MAML2: variants seen among roughly 807,000 people sequenced by gnomAD.
MAML2 encodes mastermind like transcriptional coactivator 2.
Under a neutral mutation model 96.1 loss-of-function variants are expected in MAML2, and 22 were observed. That is an observed-to-expected ratio of 0.23 (90% CI 0.16 to 0.33). MAML2 has a LOEUF of 0.33. MAML2 is among the 10% of genes least tolerant of loss of function. The probability of loss-of-function intolerance (pLI) is 1.00; values close to 1 mark genes in which losing one functional copy is unlikely to be tolerated. For missense variants in MAML2, 1,367 were observed against 1,392.4 expected, an observed-to-expected ratio of 0.98 and a Z score of 0.29; for synonymous variants, 561 against 521.3, an observed-to-expected ratio of 1.08 and a Z score of -1.04.
chr11:96,196,960 T>G (rs1861742524), intron 1 of MAML2, among the ~76,000 whole-genome samples: 1 of 152,132 alleles, frequency 6.6e-6, no homozygotes, highest in African/African-American at 2.4e-5. Flanking sequence ...TCCTTATATT[T>G]GAGGCCTTTT....
rs111707968 is a variant in MAML2 at position 96,225,790 on chromosome 11, G to A, written c.513+115593C>T. 8.9e-3 allele frequency among the ~76,000 whole-genome samples: 1,344 copies of A among 151,810 alleles called. 9 individuals are homozygous for A. The highest frequency in any genetic ancestry group is 0.021 in the East Asian group (109 of 5,162). On this transcript the variant is annotated intron_variant, in intron 1 of 4. Transcript: ENST00000524717. ...GAAGGTTGCAGTGAGCCAAAAATGG[G>A]CCACTGTACCCCACCCTGGGTGACA...
intron 1 of MAML2, among the ~76,000 whole-genome samples, chr11:96,216,636 G>A (rs1364566963): frequency 6.6e-6 from 1 of 152,162 alleles, no homozygotes; most frequent in Non-Finnish European, 1.5e-5. Context: ...GATCATTTAG[G>A]TATGCTGTGT....
At chr11:96,106,870 G>A (rs999684498) in intron 1 of MAML2, among the ~76,000 whole-genome samples, 2 of 151,218 alleles carry the variant, frequency 1.3e-5, no homozygotes, top group South Asian at 2.1e-4. Context: ...TTAATATCTT[G>A]TATCCACTCG....
intron 1 of MAML2, among the ~76,000 whole-genome samples, chr11:96,297,404 G>A (rs1247197426): frequency 6.6e-5 from 10 of 151,852 alleles, no homozygotes; most frequent in East Asian, 1.9e-4. Context: ...GTGAAACCCC[G>A]TCTCTACTAA....
At chr11:96,262,588 CT>C (rs1862766179) in intron 1 of MAML2, among the ~76,000 whole-genome samples, 1 of 152,234 alleles carries the variant, frequency 6.6e-6, no homozygotes, top group East Asian at 1.9e-4. Flanking sequence ...CTGCCTCAGC[CT>C]CCCGAGTAGC....
intron 1 of MAML2, among the ~76,000 whole-genome samples, chr11:96,288,344 C>T (rs1486096984): frequency 6.6e-6 from 1 of 151,896 alleles, no homozygotes; most frequent in South Asian, 2.1e-4. Context: ...GAGTTTGAGA[C>T]CAGCCTGGCC....
intron 1 of MAML2, among the ~76,000 whole-genome samples, chr11:96,150,789 T>C (rs1265473662): frequency 6.6e-6 from 1 of 152,144 alleles, no homozygotes; most frequent in African/African-American, 2.4e-5. Context: ...AGGGCCACCA[T>C]ACTAACCCCT....
intron 1 of MAML2, among the ~76,000 whole-genome samples, chr11:96,254,391 CTTTT>C (rs201328694): frequency 1.5e-5 from 2 of 136,040 alleles, no homozygotes; most frequent in Non-Finnish European, 1.6e-5. Context: ...TGTTGCAGCT[CTTTT>C]TTTTTTTTTT....
At chr11:96,058,650 C>G (rs1859106797) in intron 2 of MAML2, among the ~76,000 whole-genome samples, 2 of 152,176 alleles carry the variant, frequency 1.3e-5, no homozygotes, top group Admixed American at 6.5e-5. Context: ...GAGATTGCCT[C>G]TTTGAGGTAC....
chr11:96,005,405 A>G (rs1378237200), intron 2 of MAML2, among the ~76,000 whole-genome samples: 7 of 152,196 alleles, frequency 4.6e-5, no homozygotes, highest in African/African-American at 1.7e-4. Flanking sequence ...ATTAGACTAT[A>G]ATTTCTCAAT....
At chr11:96,169,659 C>T (rs1591051995) in intron 1 of MAML2, among the ~76,000 whole-genome samples, 3 of 144,890 alleles carry the variant, frequency 2.1e-5, no homozygotes, top group Non-Finnish European at 3.0e-5. Flanking sequence ...AGAAAGTAAA[C>T]TTTTTTTTTT....
intron 1 of MAML2, among the ~76,000 whole-genome samples, chr11:96,201,996 A>G (rs1861829968): frequency 6.6e-6 from 1 of 151,364 alleles, no homozygotes; most frequent in Admixed American, 6.6e-5. Flanking sequence ...AAAAGAGTCT[A>G]TTTTCTACCA....
intron 2 of MAML2, among the ~76,000 whole-genome samples, chr11:96,057,268 ATTTCGTTC>A (rs1244219954): frequency 6.6e-6 from 1 of 152,150 alleles, no homozygotes; most frequent in East Asian, 1.9e-4. Context: ...TCTAGAAGCC[ATTTCGTTC>A]CTGATTTGGA....
rs1180793134 is a variant in MAML2 at position 95,978,383 on chromosome 11, C to A, written c.*565G>T. Reference sequence around the variant, plus strand: ...GAATATGGGGAAGAAATTCTGTAATCCACTGGATGTTTTCTAGGTTCTCTG... The same window carrying A: ...GAATATGGGGAAGAAATTCTGTAATACACTGGATGTTTTCTAGGTTCTCTG... On this transcript the variant is annotated 3_prime_UTR_variant, in exon 5 of 5. Coordinates refer to ENST00000524717, the MANE Select transcript of MAML2 (RefSeq NM_032427.4). 1.5e-5 allele frequency: 3 copies of A among 196,950 alleles called. No individual in the cohort carries two copies. The highest frequency in any genetic ancestry group is 3.2e-5 in the Non-Finnish European group (3 of 95,108). 12.2% of individuals were successfully genotyped at this position (196,950 alleles called of 1,614,324 possible). A position where few individuals can be genotyped will look rare whatever the true frequency, so the allele number is the denominator to read the frequency against.
At chr11:96,285,493 G>C (rs754365972) in intron 1 of MAML2, among the ~76,000 whole-genome samples, 1 of 152,090 alleles carries the variant, frequency 6.6e-6, no homozygotes, top group African/African-American at 2.4e-5. Context: ...TTAAACTAAA[G>C]AGCTTCCGTG....
At chr11:96,036,992 A>G (rs1858724292) in intron 2 of MAML2, among the ~76,000 whole-genome samples, 1 of 152,170 alleles carries the variant, frequency 6.6e-6, no homozygotes, top group South Asian at 2.1e-4. Context: ...AACTGGATCC[A>G]TCTTGGAAAT....
chr11:96,144,000 G>A (rs1184951389), intron 1 of MAML2, among the ~76,000 whole-genome samples: 1 of 152,210 alleles, frequency 6.6e-6, no homozygotes, highest in Non-Finnish European at 1.5e-5. Flanking sequence ...TCATCCTGGA[G>A]TTCTTGCTTG....
At chr11:96,171,377 G>C (rs1476441424) in intron 1 of MAML2, among the ~76,000 whole-genome samples, 1 of 152,080 alleles carries the variant, frequency 6.6e-6, no homozygotes, top group Non-Finnish European at 1.5e-5. Context: ...AGTATGGGTA[G>C]GTGCTCCTCT....
chr11:96,101,638 C>T (rs1017645658), intron 1 of MAML2, among the ~76,000 whole-genome samples: 11 of 152,140 alleles, frequency 7.2e-5, no homozygotes, highest in African/African-American at 2.7e-4. Flanking sequence ...TGGGGCTTAG[C>T]AACACACATG....
Sources: gnomAD v4.1 joint callset for allele counts (sites outside exome capture counted in the v4.1 genomes callset) on GRCh38, gnomAD v4.1.1 for gene constraint, MANE v1.5 for transcripts, NCBI Gene and HGNC (gene_info 2026-07-23, HGNC 2026-07-21) for gene names.